PLIN4: variants seen among roughly 807,000 people sequenced by gnomAD.
PLIN4 encodes the protein perilipin-4.
Under a neutral mutation model 52.4 loss-of-function variants are expected in PLIN4, and 57 were observed. The observed-to-expected ratio is 1.09, with a 90% CI of 0.88 to 1.36. PLIN4 has a LOEUF of 1.36. Among genes scored for constraint, PLIN4 ranks in the 40% most tolerant of loss-of-function variants. PLIN4 has a pLI of 0.00. For missense variants in PLIN4, 1,757 were observed against 1,770.3 expected (o/e 0.99, Z 0.13); for synonymous variants, 826 against 785.4 (o/e 1.05, Z -0.86).
intron 6 of PLIN4, among the ~76,000 whole-genome samples, chr19:4,505,790 T>C (rs1976074292): frequency 6.6e-6 from 1 of 152,088 alleles, no homozygotes; most frequent in South Asian, 2.1e-4. Context: ...CAGCTGCATA[T>C]GCAGACGCGT....
intron 6 of PLIN4, 145 bp from the exon 7 acceptor site, chr19:4,505,092 G>A: frequency 1.3e-6 from 1 of 743,078 alleles, no homozygotes; most frequent in Non-Finnish European, 2.2e-6. Flanking sequence ...ACCACAGTGG[G>A]CGTGTTGTCT....
In PLIN4 at chr19:4,517,632, G is replaced by C. The variant is rs747289766; in HGVS notation, c.118C>G (p.His40Asp). ...GCCGGCCGGGCTCTCGCCGAGCTAT[G>C]TGCGTTGGCCACCAGGTTCCGGGCA... Reference protein sequence around the residue: ...SSARNLVANAHSSARARPAAD... With the variant: ...SSARNLVANADSSARARPAAD... Residue 40 changes from histidine (H) to aspartate (D), a missense_variant, in exon 3 of 8, where the codon CAT (histidine) becomes GAT (aspartate). By Grantham distance (81) the His-to-Asp change is moderately conservative. This residue lies in a region of PLIN4 where 332 missense variants were observed against 310.8 expected (regional missense o/e 1.07). Coordinates refer to ENST00000301286, the MANE Select transcript of PLIN4 (RefSeq NM_001367868.2). 1 of 1,609,482 alleles carries C rather than the reference G, an allele frequency of 6.2e-7. No homozygotes were observed. Among genetic ancestry groups the C allele is most frequent in the Non-Finnish European group, 8.5e-7 (1 of 1,178,598 alleles).
At chr19:4,506,874 C>T (rs575103377) in intron 6 of PLIN4, among the ~76,000 whole-genome samples, 13 of 152,250 alleles carry the variant, frequency 8.5e-5, no homozygotes, top group Non-Finnish European at 1.8e-4. Context: ...GCCAGAGGCA[C>T]GGCAGCGACT....
chr19:4,511,713 T>G lies in PLIN4; in HGVS notation c.2247A>C (p.Gln749His), dbSNP rs73920825. 1 of 1,310,486 alleles carries G rather than the reference T, an allele frequency of 7.6e-7. No homozygotes were observed. Among genetic ancestry groups the G allele is most frequent in the African/African-American group, 1.8e-5 (1 of 55,298 alleles). 81.2% of individuals were successfully genotyped at this position (1,310,486 alleles called of 1,614,324 possible). A position where few individuals can be genotyped will look rare whatever the true frequency, so the allele number is the denominator to read the frequency against. ...GAANVAKGAI[Q>H]GGLDTTKSVL... ...CAGACTTTGTAGTGTCCAGGCCCCC[T>G]TGGATGGCCCCTTTGGCCACATTCG... The change falls in exon 5 of 8, where the codon CAA becomes CAC. Residue 749 changes from glutamine to histidine, a missense_variant. Coordinates refer to ENST00000301286, the MANE Select transcript of PLIN4 (RefSeq NM_001367868.2).
rs73920827 is a variant in PLIN4 at position 4,511,961 on chromosome 19, A to G, written c.1999T>C (p.Phe667Leu). 7.9e-3 allele frequency: 10,928 copies of G among 1,388,940 alleles called. 757 individuals are homozygous for G. In the African/African-American group the frequency reaches 0.15, roughly 19 times the overall value. The allele number at this position is 1,388,940 out of a possible 1,614,324, so 86.0% of individuals were successfully genotyped here. Reference protein sequence around the residue: ...QNIATGTKNTFGSGVTSAVNV... With the variant: ...QNIATGTKNTLGSGVTSAVNV... ...ACAGCACTGGTCACCCCACTGCCAAAGGTGTTCTTTGTACCTGTCGCGATA... is the reference window on the plus strand; with the variant it reads ...ACAGCACTGGTCACCCCACTGCCAAGGGTGTTCTTTGTACCTGTCGCGATA... Residue 667 changes from phenylalanine to leucine, a missense_variant, in exon 5 of 8, where the codon TTT (phenylalanine) becomes CTT (leucine). Phe to Leu is a conservative substitution (Grantham distance 22, BLOSUM62 0). Around this residue, in one of 7 missense-constraint regions of PLIN4, gnomAD observed 439 missense variants for 406.4 expected, o/e 1.08. Transcript: ENST00000301286.
chr19:4,508,804 CCTGGCTTGGAA>C lies in PLIN4; in HGVS notation c.3655_3665del (p.Phe1219GlyfsTer14). 1 of 1,597,738 alleles carries C rather than the reference CCTGGCTTGGAA, an allele frequency of 6.3e-7. No homozygotes were observed. Among genetic ancestry groups the C allele is most frequent in the African/African-American group, 1.3e-5 (1 of 74,664 alleles). ...AGTCCTGGAGCTGGGCCAGAGTGTC[CCTGGCTTGGAA>C]CTGGCCGTGCTGCAGGTGGCTCACC... On this transcript the variant is annotated frameshift_variant, in exon 6 of 8. Transcript: ENST00000301286. LOFTEE classifies it high-confidence loss of function.
At chr19:4,516,489 C>T in intron 4 of PLIN4, 128 bp downstream of exon 4, 3 of 1,143,090 alleles carry the variant, frequency 2.6e-6, no homozygotes, top group South Asian at 2.9e-5. Context: ...ACAGCAGCCC[C>T]CCAGATAGCA....
rs1365179907 is a variant in PLIN4, at chr19:4,512,428, T to G, written c.1532A>C (p.Asn511Thr). 5.0e-6 allele frequency: 8 copies of G among 1,610,526 alleles called. No homozygotes were observed. In the South Asian group the frequency reaches 8.8e-5, roughly 18 times the overall value. Reference protein sequence around the residue: ...AVSTGLTGAVNVAKGTVQTGV... With the variant: ...AVSTGLTGAVTVAKGTVQTGV... ...GGTCTGGACGGTCCCTTTGGCCACG[T>G]TCACAGCCCCTGTGAGCCCAGTGGA... The change falls in exon 5 of 8, where the codon AAC becomes ACC. Residue 511 changes from asparagine (N) to threonine (T), a missense_variant. Asn to Thr is a moderately conservative substitution (Grantham distance 65, BLOSUM62 0). Coordinates refer to ENST00000301286, the MANE Select transcript of PLIN4 (RefSeq NM_001367868.2).
In PLIN4 at chr19:4,518,253, C is replaced by T; in HGVS notation, c.20G>A (p.Gly7Glu). 15 of 1,233,026 alleles carry T rather than the reference C, an allele frequency of 1.2e-5. No individual in the cohort carries two copies. The highest frequency in any genetic ancestry group is 1.4e-5 in the Non-Finnish European group (14 of 988,652). 76.4% of individuals were successfully genotyped at this position (1,233,026 alleles called of 1,614,324 possible). ...CTTCGGTTTGGGGGGATCCCGTCTC[C>T]CTTCGTCTGGAGCAGACATAGTGAG... Reference protein sequence around the residue: MSAPDEGRRDPPKPKGK... With the variant: MSAPDEERRDPPKPKGK... Residue 7 changes from glycine (G) to glutamate (E), a missense_variant, in exon 2 of 8, where the codon GGG (glycine) becomes GAG (glutamate). Around this residue, in one of 7 missense-constraint regions of PLIN4, gnomAD observed 332 missense variants for 310.8 expected, o/e 1.07. Coordinates refer to ENST00000301286, the MANE Select transcript of PLIN4 (RefSeq NM_001367868.2).
intron 5 of PLIN4, among the ~76,000 whole-genome samples, chr19:4,509,403 G>T (rs767495334): frequency 2.0e-4 from 31 of 151,316 alleles, no homozygotes; most frequent in Non-Finnish European, 4.3e-4. Context: ...GATCACCTGG[G>T]ATCAGGAGCT....
At chr19:4,513,892 G>A (rs549685420) in intron 4 of PLIN4, among the ~76,000 whole-genome samples, 191 bp from the exon 5 acceptor site, 2 of 152,318 alleles carry the variant, frequency 1.3e-5, no homozygotes, top group African/African-American at 4.8e-5. Flanking sequence ...ATCGGGCTGT[G>A]GTGTGGCACC....
rs750605550 is a variant in PLIN4, at chr19:4,504,849, T to C, written c.3789+12A>G. Reference sequence around the variant, plus strand: ...GCGGGGTGGGGGGACCCTAGCCCTGTGCCAGACCCACCTCCTGGACAGCAG... The same window carrying C: ...GCGGGGTGGGGGGACCCTAGCCCTGCGCCAGACCCACCTCCTGGACAGCAG... On this transcript the variant is annotated intron_variant, in intron 7 of 7. Transcript: ENST00000301286. 1.2e-6 allele frequency: 2 copies of C among 1,604,688 alleles called. No individual in the cohort carries two copies. The highest frequency in any genetic ancestry group is 4.5e-5 in the East Asian group (2 of 44,590).
Position 4,512,721 on chromosome 19 carries a change from C to T in PLIN4, c.1239G>A (p.Val413=), listed in dbSNP as rs748200807. The T allele has an allele frequency of 8.3e-6, 13 of 1,557,372 alleles. 4 individuals carry two copies. In the African/African-American group the frequency reaches 2.2e-4, roughly 27 times the overall value. The change falls in exon 5 of 8, where the codon GTG becomes GTA. Residue 413 remains valine (V), a synonymous_variant. Coordinates refer to ENST00000301286, the MANE Select transcript of PLIN4 (RefSeq NM_001367868.2). ...MSTGLTGAAN[V]AKGAMQTGLN... ...GCCCAGTTTGCATGGCCCCCTTGGC[C>T]ACATTCGCTGCCCCTGTGAGCCCAG...
In PLIN4 at chr19:4,511,716, G is replaced by T; in HGVS notation, c.2244C>A (p.Ile748=). ...ACTTTGTAGTGTCCAGGCCCCCTTG[G>T]ATGGCCCCTTTGGCCACATTCGCAG... The part of the protein sequence containing the change: ...TGAANVAKGA[I]QGGLDTTKSV... Residue 748 remains isoleucine (I), a synonymous_variant, in exon 5 of 8, where the codon ATC becomes ATA. Coordinates refer to ENST00000301286, the MANE Select transcript of PLIN4 (RefSeq NM_001367868.2). 1 of 1,173,488 alleles carries T rather than the reference G, an allele frequency of 8.5e-7. No homozygotes were observed. The highest frequency in any genetic ancestry group is 1.2e-6 in the Non-Finnish European group (1 of 845,064). The allele number at this position is 1,173,488 out of a possible 1,614,324, so 72.7% of individuals were successfully genotyped here.
intron 6 of PLIN4, among the ~76,000 whole-genome samples, chr19:4,505,304 GCTGTCTCCA>G (rs1405471253): frequency 2.2e-4 from 34 of 152,168 alleles, no homozygotes; most frequent in African/African-American, 8.2e-4. Context: ...GCACCCCACT[GCTGTCTCCA>G]CTGAGGCCAC....
Position 4,504,859 on chromosome 19 carries a change from A to C in PLIN4, c.3789+2T>G. On this transcript the variant is annotated splice_donor_variant, in intron 7 of 7. Transcript: ENST00000301286. LOFTEE classifies it high-confidence loss of function. The stretch of plus-strand genomic sequence containing the variant: ...GGGACCCTAGCCCTGTGCCAGACCC[A>C]CCTCCTGGACAGCAGCGTCCTCCGC... The C allele has an allele frequency of 6.2e-7, 1 of 1,604,680 alleles. No individual in the cohort carries two copies. Among genetic ancestry groups the C allele is most frequent in the Non-Finnish European group, 8.5e-7 (1 of 1,176,642 alleles).
rs563212863 is a variant in PLIN4, at chr19:4,511,194, A to C, written c.2766T>G (p.Thr922=). 6.2e-7 allele frequency: 1 copy of C among 1,611,324 alleles called. No individual in the cohort carries two copies. Among genetic ancestry groups the C allele is most frequent in the Non-Finnish European group, 8.5e-7 (1 of 1,178,564 alleles). The part of the protein sequence containing the change: ...TVQTGVDTSK[T]VLTGTKDTVC... ...CGGTGTCCTTGGTACCGGTCAGGAC[A>C]GTCTTGCTGGTGTCCACGCCGGTCT... is the stretch of plus-strand genomic sequence containing the variant. The change falls in exon 5 of 8, where the codon ACT becomes ACG. Residue 922 remains threonine (T), a synonymous_variant. Transcript: ENST00000301286.
At position 4,510,676 on chromosome 19, in the gene PLIN4, G is replaced by A; in HGVS notation, c.3284C>T (p.Pro1095Leu). Residue 1095 changes from proline (P) to leucine (L), a missense_variant, in exon 5 of 8, where the codon CCC becomes CTC. By Grantham distance (98) the Pro-to-Leu change is moderately conservative (BLOSUM62 -3). Transcript: ENST00000301286. ...CGGGCCTACACTGAGCACATCCGGG[G>A]GCGTGGAGATGCCAGAGAACGGGGC... ...QEAPFSGISTPPDVLSVGPEP... is the reference protein window; with the variant it reads ...QEAPFSGISTLPDVLSVGPEP... The A allele has an allele frequency of 2.0e-6, 3 of 1,520,976 alleles. No individual in the cohort carries two copies. The highest frequency in any genetic ancestry group is 2.6e-6 in the Non-Finnish European group (3 of 1,137,812). The allele number at this position is 1,520,976 out of a possible 1,614,324, so 94.2% of individuals were successfully genotyped here. A position where few individuals can be genotyped will look rare whatever the true frequency, so the allele number is the denominator to read the frequency against.
Position 4,504,206 on chromosome 19 carries a change from C to T in PLIN4, c.*253G>A. The T allele has an allele frequency of 4.6e-6, 2 of 439,092 alleles. No homozygotes were observed. The highest frequency in any genetic ancestry group is 8.0e-6 in the Non-Finnish European group (2 of 248,720). 27.2% of individuals were successfully genotyped at this position (439,092 alleles called of 1,614,324 possible). On this transcript the variant is annotated 3_prime_UTR_variant, in exon 8 of 8. Transcript: ENST00000301286. ...GGCTCTTGGCTGGTGGTCTGAGTGA[C>T]CCCAGGCTCCGAGAGGGGCAGGCAG...
Sources: gnomAD v4.1 joint callset for allele counts (sites outside exome capture counted in the v4.1 genomes callset) on GRCh38, gnomAD v4.1.1 for gene constraint, gnomAD v4.1.1 regional missense constraint, MANE v1.5 for transcripts, NCBI Gene and HGNC (gene_info 2026-07-23, HGNC 2026-07-21) for gene names.